SLC5A1: variants seen among roughly 807,000 people sequenced by gnomAD.
SLC5A1 encodes the protein solute carrier family 5 member 1, also known as sodium/glucose cotransporter 1.
SLC5A1 carries 42 observed loss-of-function variants against 73.5 expected under a neutral mutation model. The observed-to-expected ratio is 0.57, with a 90% CI of 0.45 to 0.74. The LOEUF (loss-of-function observed/expected upper bound fraction) is 0.74. Among genes scored for constraint, SLC5A1 ranks in the 30% least tolerant of loss-of-function variants. SLC5A1 has a pLI of 0.00. For synonymous variants in SLC5A1, 300 were observed against 317.4 expected (o/e 0.95, Z 0.58); for missense variants, 634 against 855.4 (o/e 0.74, Z 3.23).
At chr22:32,072,408 G>A (rs1411097479) in intron 5 of SLC5A1, among the ~76,000 whole-genome samples, 1 of 152,068 alleles carries the variant, frequency 6.6e-6, no homozygotes, top group African/African-American at 2.4e-5. Context: ...TCTTTTTTAT[G>A]GCTGCATAGT....
At chr22:32,050,326 CA>C (rs2149483470) in intron 2 of SLC5A1, among the ~76,000 whole-genome samples, 1 of 152,298 alleles carries the variant, frequency 6.6e-6, no homozygotes, top group Admixed American at 6.5e-5. Context: ...GAACATATCA[CA>C]GGGGTCAGAG....
intron 13 of SLC5A1, 125 bp downstream of exon 13, chr22:32,102,362 T>C (rs1569317410): frequency 2.7e-6 from 2 of 748,096 alleles, no homozygotes; most frequent in East Asian, 5.3e-5. Context: ...GTACATGTAA[T>C]GTTTTGATAC....
chr22:32,075,139 T>C (rs1311389606), intron 5 of SLC5A1, among the ~76,000 whole-genome samples: 3 of 145,510 alleles, frequency 2.1e-5, no homozygotes, highest in African/African-American at 7.5e-5. Context: ...CTTGAACTCC[T>C]CGCCTCAAGT....
chr22:32,092,803 T>C (rs947524773), intron 11 of SLC5A1, among the ~76,000 whole-genome samples: 3 of 152,208 alleles, frequency 2.0e-5, no homozygotes, highest in Admixed American at 6.5e-5. Flanking sequence ...AGAAGCTCTT[T>C]AGTTAAGTCC....
chr22:32,074,951 T>C (rs1375139219), intron 5 of SLC5A1, among the ~76,000 whole-genome samples: 2 of 151,994 alleles, frequency 1.3e-5, no homozygotes, highest in East Asian at 3.9e-4. Context: ...GGCTGGAGTG[T>C]AGTGGCATGA....
chr22:32,099,642 G>T (rs2094033043), intron 12 of SLC5A1, among the ~76,000 whole-genome samples: 1 of 151,872 alleles, frequency 6.6e-6, no homozygotes, highest in Non-Finnish European at 1.5e-5. Flanking sequence ...GCCCAGGCTG[G>T]TCTTGAACTC....
At chr22:32,086,538 TG>T (rs979187541) in intron 10 of SLC5A1, among the ~76,000 whole-genome samples, 1 of 152,246 alleles carries the variant, frequency 6.6e-6, no homozygotes, top group Non-Finnish European at 1.5e-5. Context: ...CTATGAGTTC[TG>T]GGACTTGCCC....
intron 10 of SLC5A1, among the ~76,000 whole-genome samples, chr22:32,089,235 A>G (rs1295863241): frequency 3.3e-5 from 5 of 152,246 alleles, no homozygotes; most frequent in Non-Finnish European, 7.3e-5. Context: ...TATAACTTCT[A>G]TATCTCTGAT....
rs180853327 is a variant in SLC5A1 at position 32,072,861 on chromosome 22, T to C, written c.477+4261T>C. ...ACCTTCCTGTCCTGGCCTACATGAA[T>C]AAACATTTTTTTATTGGGTTATGTG... On this transcript the variant is annotated intron_variant, in intron 5 of 14. Transcript: ENST00000266088. 5.9e-5 allele frequency among the ~76,000 whole-genome samples: 9 copies of C among 152,346 alleles called. No individual in the cohort carries two copies. In the East Asian group the frequency reaches 1.7e-3, roughly 29 times the overall value.
chr22:32,057,058 G>A (rs1369427237), intron 2 of SLC5A1, among the ~76,000 whole-genome samples: 1 of 152,194 alleles, frequency 6.6e-6, no homozygotes, highest in Non-Finnish European at 1.5e-5. Flanking sequence ...AAGCAGTAAA[G>A]TGACTGCCTC....
At chr22:32,063,057 G>A (rs1016360113) in intron 2 of SLC5A1, among the ~76,000 whole-genome samples, 4 of 152,078 alleles carry the variant, frequency 2.6e-5, no homozygotes, top group Non-Finnish European at 5.9e-5. Flanking sequence ...CATGTATATG[G>A]GGAGAGAGAG....
chr22:32,095,147 G>A (rs2094024225), intron 11 of SLC5A1, among the ~76,000 whole-genome samples: 1 of 152,120 alleles, frequency 6.6e-6, no homozygotes, highest in Admixed American at 6.5e-5. Context: ...TATTTGCATG[G>A]TTTTGAAGGT....
At chr22:32,109,060 C>T (rs1438847686) in intron 14 of SLC5A1, among the ~76,000 whole-genome samples, 1 of 152,070 alleles carries the variant, frequency 6.6e-6, no homozygotes, top group Non-Finnish European at 1.5e-5. Flanking sequence ...CCCAGCTTAG[C>T]TACTAAGGAG....
intron 10 of SLC5A1, among the ~76,000 whole-genome samples, chr22:32,091,381 C>T (rs1478985095): frequency 1.3e-5 from 2 of 151,394 alleles, no homozygotes; most frequent in Non-Finnish European, 2.9e-5. Flanking sequence ...AAAGTATTCA[C>T]CTCAAGTATG....
intron 11 of SLC5A1, among the ~76,000 whole-genome samples, chr22:32,097,563 T>A (rs1569315506): frequency 6.6e-6 from 1 of 152,246 alleles, no homozygotes; most frequent in Non-Finnish European, 1.5e-5. Context: ...AAATACCTGG[T>A]AGTGTTTCTT....
rs146719973 is a variant in SLC5A1, at chr22:32,112,406, A to C, written c.*2193A>C. The C allele has an allele frequency of 1.3e-5, 2 of 152,316 alleles. No homozygotes were observed. The highest frequency in any genetic ancestry group is 3.9e-4 in the East Asian group (2 of 5,182). The allele number at this position is 152,316 out of a possible 1,614,324, so 9.4% of individuals were successfully genotyped here. On this transcript the variant is annotated 3_prime_UTR_variant, in exon 15 of 15. Coordinates refer to ENST00000266088, the MANE Select transcript of SLC5A1 (RefSeq NM_000343.4). ...TTCCTCCAAGCATAATGCAGACTTCACAGAGCTGTTGTAAAGATTAGGTGA... is the reference window on the plus strand; with the variant it reads ...TTCCTCCAAGCATAATGCAGACTTCCCAGAGCTGTTGTAAAGATTAGGTGA...
chr22:32,055,624 A>G (rs192064100), intron 2 of SLC5A1, among the ~76,000 whole-genome samples: 218 of 152,214 alleles, frequency 1.4e-3, no homozygotes, highest in Middle Eastern at 6.8e-3. Context: ...AAAAACCAGA[A>G]AGTCAGTGTG....
intron 4 of SLC5A1, 117 bp from the exon 5 acceptor site, chr22:32,068,379 T>C: frequency 1.3e-6 from 1 of 796,498 alleles, no homozygotes; most frequent in East Asian, 2.5e-5. Context: ...CCAGCAAAAG[T>C]TATGAATCCT....
At chr22:32,044,610 A>G (rs776390284) in intron 1 of SLC5A1, among the ~76,000 whole-genome samples, 2 of 152,044 alleles carry the variant, frequency 1.3e-5, no homozygotes, top group Non-Finnish European at 2.9e-5. Context: ...CTTTTCCTCA[A>G]TACTCTCAGC....
Sources: gnomAD v4.1 joint callset for allele counts (sites outside exome capture counted in the v4.1 genomes callset) on GRCh38, gnomAD v4.1.1 for gene constraint, MANE v1.5 for transcripts, NCBI Gene and HGNC (gene_info 2026-07-23, HGNC 2026-07-21) for gene names.